The following KANSL3 variants were observed in gnomAD, a reference collection of about 807,000 sequenced individuals.
KANSL3 encodes NSL complex protein NSL3.
In KANSL3, 16 loss-of-function variants were observed where a neutral mutation model predicts 89.2. The ratio of observed to expected loss-of-function variants is 0.18; its 90% confidence interval spans 0.12 to 0.27. The LOEUF is 0.27. KANSL3 is among the 10% of genes least tolerant of loss of function. KANSL3 has a pLI of 1.00. For synonymous variants in KANSL3, 385 were observed against 419.7 expected (o/e 0.92, Z 1.01); for missense variants, 879 against 1,110.6 (o/e 0.79, Z 2.96).
At chr2:96,590,915 G>A (rs1225365845), downstream of KANSL3, among the ~76,000 whole-genome samples, 4 of 152,112 alleles carry the variant, frequency 2.6e-5, no homozygotes, top group Non-Finnish European at 4.4e-5. Context: ...GAACCAGGGA[G>A]GTGGAGGTTG....
intron 3 of KANSL3, among the ~76,000 whole-genome samples, chr2:96,629,002 A>T (rs2106096292): frequency 6.6e-6 from 1 of 152,084 alleles, no homozygotes; most frequent in Middle Eastern, 3.4e-3. Flanking sequence ...CTTCTCCATC[A>T]CTTCCTAATT....
At chr2:96,618,778 C>T (rs756628765) in intron 5 of KANSL3, among the ~76,000 whole-genome samples, 3 of 152,212 alleles carry the variant, frequency 2.0e-5, no homozygotes, top group Admixed American at 6.5e-5. Flanking sequence ...CTCCAGCATC[C>T]GCATTCTACC....
intron 16 of KANSL3, 142 bp downstream of exon 16, chr2:96,604,637 G>C (rs1442934030): frequency 1.2e-6 from 1 of 840,540 alleles, no homozygotes; most frequent in Non-Finnish European, 1.8e-6. Context: ...TCAAAAGCAA[G>C]ACAAAGATCC....
intron 5 of KANSL3, 90 bp from the exon 6 acceptor site, chr2:96,613,709 T>C (rs1164294240): frequency 7.8e-7 from 1 of 1,277,806 alleles, no homozygotes; most frequent in Non-Finnish European, 1.1e-6. Flanking sequence ...AGCCCCACTA[T>C]AAGCCATAGA....
intron 2 of KANSL3, among the ~76,000 whole-genome samples, chr2:96,636,415 T>C (rs2074250925): frequency 6.6e-6 from 1 of 152,210 alleles, no homozygotes; most frequent in Non-Finnish European, 1.5e-5. Context: ...TAGATTAACC[T>C]ATGGATAGCA....
intron 20 of KANSL3, among the ~76,000 whole-genome samples, chr2:96,598,396 G>A (rs1056760474): frequency 1.3e-5 from 2 of 152,096 alleles, no homozygotes; most frequent in African/African-American, 2.4e-5. Flanking sequence ...TAATATAGAC[G>A]CCAAAATCCT....
In KANSL3 at chr2:96,613,580, T is replaced by A; in HGVS notation, c.703A>T (p.Thr235Ser). ...TCAGCTCCTGCAGCCCCAGTCTTTG[T>A]GTTGGATGACACAAGCATCCGGTCA... ...LIDRMLVSSNTKTGAAGAEAL... is the reference protein window; with the variant it reads ...LIDRMLVSSNSKTGAAGAEAL... The change falls in exon 6 of 21, where the codon ACA becomes TCA. Residue 235 changes from threonine (T) to serine (S), a missense_variant. Physicochemically the swap from Thr to Ser is moderately conservative, Grantham distance 58. This residue lies in a region of KANSL3 where 210 missense variants were observed against 311.9 expected (regional missense o/e 0.67). Transcript: ENST00000431828. The A allele has an allele frequency of 6.2e-7, 1 of 1,613,264 alleles. No individual in the cohort carries two copies. Among genetic ancestry groups the A allele is most frequent in the Non-Finnish European group, 8.5e-7 (1 of 1,179,610 alleles).
At chr2:96,593,003 G>C (rs1190732795), downstream of KANSL3, among the ~76,000 whole-genome samples, 1 of 140,768 alleles carries the variant, frequency 7.1e-6, no homozygotes, top group Non-Finnish European at 1.6e-5. Flanking sequence ...ACTCCATCTC[G>C]AAAAAAAAAA....
rs759006043 is a variant in KANSL3 at position 96,602,874 on chromosome 2, C to T, written c.2150-12G>A. 6.2e-7 allele frequency: 1 copy of T among 1,612,560 alleles called. No individual in the cohort carries two copies. The highest frequency in any genetic ancestry group is 1.1e-5 in the South Asian group (1 of 91,052). The stretch of plus-strand genomic sequence containing the variant: ...GGCTGATGTGGCCCCTAAGAGAGGA[C>T]ATAGCAGGAATCAGTAGAGACTCAA... On this transcript the variant is annotated splice_polypyrimidine_tract_variant and intron_variant, in intron 17 of 20. Coordinates refer to ENST00000431828, the MANE Select transcript of KANSL3 (RefSeq NM_001115016.3).
At chr2:96,586,315 C>T in the KANSL3 span, among the ~76,000 whole-genome samples, 1 of 151,788 alleles carries the variant, frequency 6.6e-6, no homozygotes, top group Non-Finnish European at 1.5e-5. Context: ...GTGCAGTGTA[C>T]ACTGCTCAGA....
chr2:96,613,671 C>T lies in KANSL3; in HGVS notation c.664-52G>A, dbSNP rs968955238. Reference sequence around the variant, plus strand: ...CTCCAGTGTAAAGCAGGAGACCTTCCACCACCAGCAATCAAGCAGAAGAAC... The same window carrying T: ...CTCCAGTGTAAAGCAGGAGACCTTCTACCACCAGCAATCAAGCAGAAGAAC... On this transcript the variant is annotated intron_variant, in intron 5 of 20. Coordinates refer to ENST00000431828, the MANE Select transcript of KANSL3 (RefSeq NM_001115016.3). 15 of 1,567,766 alleles carry T rather than the reference C, an allele frequency of 9.6e-6. No homozygotes were observed. In the Admixed American group the frequency reaches 1.0e-4, roughly 11 times the overall value.
chr2:96,598,990 T>C (rs1057003538), intron 20 of KANSL3, among the ~76,000 whole-genome samples: 9 of 138,478 alleles, frequency 6.5e-5, no homozygotes, highest in Non-Finnish European at 1.3e-4. Context: ...ATGGAAAAAA[T>C]TCAAAACTAT....
At chr2:96,631,701 T>C (rs1036393685) in intron 2 of KANSL3, among the ~76,000 whole-genome samples, 7 of 152,170 alleles carry the variant, frequency 4.6e-5, no homozygotes, top group Non-Finnish European at 7.3e-5. Flanking sequence ...GAACACAAAG[T>C]CATTTTTTCA....
intron 9 of KANSL3, 93 bp downstream of exon 9, chr2:96,612,189 C>T (rs1048684555): frequency 1.1e-6 from 1 of 870,386 alleles, no homozygotes; most frequent in Non-Finnish European, 2.0e-6. Context: ...GTATCTAGCG[C>T]AGAGCCTGAC....
chr2:96,621,875 G>A (rs1204753916), intron 3 of KANSL3, among the ~76,000 whole-genome samples: 1 of 152,154 alleles, frequency 6.6e-6, no homozygotes, highest in African/African-American at 2.4e-5. Context: ...CTGCACTTCA[G>A]GAGGCCAAGG....
chr2:96,618,901 TAA>T (rs2105790497), intron 5 of KANSL3, among the ~76,000 whole-genome samples: 1 of 152,364 alleles, frequency 6.6e-6, no homozygotes, highest in South Asian at 2.1e-4. Context: ...TACTGAATTA[TAA>T]AAGTCTAAGT....
rs75779385 is a variant in KANSL3, at chr2:96,635,013, C to T, written c.215+1908G>A. On this transcript the variant is annotated intron_variant, in intron 2 of 20. Transcript: ENST00000431828. Reference sequence around the variant, plus strand: ...ACCTATTCACTCTACCTATGAAATACATCTCAAAGTCATCTATATTTCTCC... The same window carrying T: ...ACCTATTCACTCTACCTATGAAATATATCTCAAAGTCATCTATATTTCTCC... 6.8e-3 allele frequency among the ~76,000 whole-genome samples: 1,031 copies of T among 152,298 alleles called. 9 individuals are homozygous for T. Among genetic ancestry groups the T allele is most frequent in the African/African-American group, 0.024 (1,002 of 41,544 alleles).
In KANSL3 at chr2:96,606,635, G is replaced by A. The variant is rs1037829115; in HGVS notation, c.1742-1124C>T. The A allele has an allele frequency of 7.3e-5, 17 of 233,298 alleles. No homozygotes were observed. In the Admixed American group the frequency reaches 8.1e-4, roughly 11 times the overall value. 14.5% of individuals were successfully genotyped at this position (233,298 alleles called of 1,614,324 possible). ...GCTTGTAGCCACCAGATAAACACAG[G>A]ACAGGAGGCAGGGAGAAAAACACAC... On this transcript the variant is annotated intron_variant, in intron 14 of 20. Transcript: ENST00000431828.
At chr2:96,585,419 T>C in the KANSL3 span, among the ~76,000 whole-genome samples, 3 of 152,152 alleles carry the variant, frequency 2.0e-5, no homozygotes, top group African/African-American at 7.2e-5. Context: ...TCAAAGCCAG[T>C]GTGAAACCAC....
Sources: gnomAD v4.1 joint callset for allele counts (sites outside exome capture counted in the v4.1 genomes callset) on GRCh38, gnomAD v4.1.1 for gene constraint, gnomAD v4.1.1 regional missense constraint, MANE v1.5 for transcripts, NCBI Gene and HGNC (gene_info 2026-07-23, HGNC 2026-07-21) for gene names.